LAMA2: variants seen among roughly 807,000 people sequenced by gnomAD.
The protein encoded by LAMA2 is laminin subunit alpha-2.
Under a neutral mutation model 364.8 loss-of-function variants are expected in LAMA2, and 269 were observed. The observed-to-expected ratio is 0.74, with a 90% CI of 0.67 to 0.82. LAMA2 has a LOEUF of 0.82. Ranked by LOEUF, LAMA2 falls within the 40% of genes least tolerant of loss-of-function variation. The pLI is 0.00. For synonymous variants in LAMA2, 1,379 were observed against 1,370.6 expected, an observed-to-expected ratio of 1.01 and a Z score of -0.14; for missense variants, 3,807 against 3,873.2, an observed-to-expected ratio of 0.98 and a Z score of 0.45.
intron 1 of LAMA2, among the ~76,000 whole-genome samples, chr6:128,907,761 C>T (rs141277751): frequency 0.14 from 21,380 of 151,978 alleles, 2,057 homozygotes; most frequent in African/African-American, 0.27. Flanking sequence ...GTATGATATT[C>T]GCTGTGGGTT....
intron 22 of LAMA2, among the ~76,000 whole-genome samples, chr6:129,308,142 G>A (rs1008724533): frequency 6.6e-6 from 1 of 152,168 alleles, no homozygotes; most frequent in Middle Eastern, 3.2e-3. Flanking sequence ...AAACTGGACA[G>A]GACATTCATT....
At chr6:129,061,871 C>A (rs1469027328) in intron 3 of LAMA2, among the ~76,000 whole-genome samples, 1 of 152,216 alleles carries the variant, frequency 6.6e-6, no homozygotes, top group Non-Finnish European at 1.5e-5. Context: ...TGGTGTCCAT[C>A]CATATCCTTA....
chr6:128,929,143 T>C, intron 1 of LAMA2: 1 of 1,434,750 alleles, frequency 7.0e-7, no homozygotes, highest in East Asian at 2.3e-5. Flanking sequence ...GATAGGGATT[T>C]ACAGGATCCA....
At chr6:128,900,550 G>A (rs995015243) in intron 1 of LAMA2, among the ~76,000 whole-genome samples, 1 of 152,154 alleles carries the variant, frequency 6.6e-6, no homozygotes, top group Non-Finnish European at 1.5e-5. Flanking sequence ...GATGTAGGCA[G>A]TTACAATTTC....
chr6:129,100,894 T>C (rs747355110), intron 4 of LAMA2, among the ~76,000 whole-genome samples: 1 of 152,240 alleles, frequency 6.6e-6, no homozygotes, highest in African/African-American at 2.4e-5. Context: ...GGCAGCATGG[T>C]ATTTTCTAAA....
At chr6:128,978,615 C>T (rs1213964828) in intron 1 of LAMA2, among the ~76,000 whole-genome samples, 2 of 152,066 alleles carry the variant, frequency 1.3e-5, no homozygotes, top group African/African-American at 4.8e-5. Flanking sequence ...CATGCCCGGT[C>T]AGTACCTGCC....
chr6:129,315,315 C>T (rs1030074079), intron 24 of LAMA2, among the ~76,000 whole-genome samples, 161 bp from the exon 25 acceptor site: 13 of 152,210 alleles, frequency 8.5e-5, no homozygotes, highest in Non-Finnish European at 1.3e-4. Context: ...AAAAGATTTA[C>T]GTCCTGCCAT....
chr6:128,960,468 C>A (rs527632151), intron 1 of LAMA2, among the ~76,000 whole-genome samples: 2 of 131,582 alleles, frequency 1.5e-5, no homozygotes, highest in African/African-American at 6.9e-5. Flanking sequence ...CCCCACCCCG[C>A]CCCCGCCGAC....
chr6:129,075,926 A>G (rs1432451754), intron 3 of LAMA2, among the ~76,000 whole-genome samples: 2 of 151,836 alleles, frequency 1.3e-5, no homozygotes, highest in Non-Finnish European at 2.9e-5. Context: ...TGAGACCCCT[A>G]TCTCTACAAA....
chr6:129,515,866 T>TCTC (rs1787018850), intron 64 of LAMA2, among the ~76,000 whole-genome samples: 1 of 152,064 alleles, frequency 6.6e-6, no homozygotes, highest in Non-Finnish European at 1.5e-5. Flanking sequence ...GATGGGGAGA[T>TCTC]CTCTTGAGCC....
chr6:129,150,631 T>C (rs1485843771), intron 7 of LAMA2, among the ~76,000 whole-genome samples: 1 of 152,246 alleles, frequency 6.6e-6, no homozygotes, highest in African/African-American at 2.4e-5. Context: ...GTACACATTT[T>C]TAAAATAGTG....
intron 1 of LAMA2, among the ~76,000 whole-genome samples, chr6:128,907,963 C>A (rs940937952): frequency 1.3e-5 from 2 of 152,012 alleles, no homozygotes; most frequent in African/African-American, 4.8e-5. Context: ...ATTGAACCAG[C>A]CTTGCATCCC....
At chr6:129,214,997 T>TA in intron 12 of LAMA2, among the ~76,000 whole-genome samples, 1 of 152,330 alleles carries the variant, frequency 6.6e-6, no homozygotes, top group East Asian at 1.9e-4. Context: ...CATAATTTGT[T>TA]AGATTTATAT....
chr6:129,062,534 C>T (rs1788998569), intron 3 of LAMA2, among the ~76,000 whole-genome samples: 1 of 152,074 alleles, frequency 6.6e-6, no homozygotes, highest in East Asian at 1.9e-4. Flanking sequence ...CAACCTGTTT[C>T]GTTATAAAGC....
chr6:129,308,448 A>G lies in LAMA2; in HGVS notation c.3175-4413A>G, dbSNP rs1022162398. 3.9e-5 allele frequency among the ~76,000 whole-genome samples: 6 copies of G among 152,254 alleles called. No homozygotes were observed. In the South Asian group the frequency reaches 1.0e-3, roughly 26 times the overall value. On this transcript the variant is annotated intron_variant, in intron 22 of 64. Coordinates refer to ENST00000421865, the MANE Select transcript of LAMA2 (RefSeq NM_000426.4). ...GAAGTTGATACCTCATGTTCAAGAT[A>G]TAAATCAGGATAAAATACATTCCAA...
At position 128,970,237 on chromosome 6, in the gene LAMA2, C is replaced by T. The variant is rs532924983; in HGVS notation, c.113-79681C>T. The stretch of plus-strand genomic sequence containing the variant: ...TTTTTGTTTTGTTTAATCAATAATT[C>T]CTGAAAGAATGAAACTTATTCGACT... On this transcript the variant is annotated intron_variant, in intron 1 of 64. Transcript: ENST00000421865. Among the ~76,000 whole-genome samples, 8 of 151,958 alleles carry T rather than the reference C, an allele frequency of 5.3e-5. No homozygotes were observed. The South Asian group carries it at 1.7e-3, about 31-fold the overall frequency.
chr6:129,481,237 C>T (rs1784330328), intron 54 of LAMA2, 26 bp from the exon 55 acceptor site: 1 of 1,598,050 alleles, frequency 6.3e-7, no homozygotes, highest in Non-Finnish European at 8.6e-7. Flanking sequence ...CTAATGGTTT[C>T]TACTCTTCTT....
chr6:129,512,273 G>T, intron 62 of LAMA2, 90 bp from the exon 63 acceptor site: 1 of 1,276,976 alleles, frequency 7.8e-7, no homozygotes, highest in South Asian at 1.3e-5. Context: ...CATTTGAATT[G>T]AAATATAATA....
chr6:128,893,450 G>A (rs913945258), intron 1 of LAMA2, among the ~76,000 whole-genome samples: 1 of 151,572 alleles, frequency 6.6e-6, no homozygotes, highest in African/African-American at 2.4e-5. Context: ...ATAATGTTAT[G>A]TATTAATATA....
Sources: gnomAD v4.1 joint callset for allele counts (sites outside exome capture counted in the v4.1 genomes callset) on GRCh38, gnomAD v4.1.1 for gene constraint, MANE v1.5 for transcripts, NCBI Gene and HGNC (gene_info 2026-07-23, HGNC 2026-07-21) for gene names.